The following CEP43 variants were observed in gnomAD, a reference collection of about 807,000 sequenced individuals.
The protein encoded by CEP43 is centrosomal protein 43.
Under a neutral mutation model 52.6 loss-of-function variants are expected in CEP43, and 36 were observed. That is an observed-to-expected ratio of 0.68 (90% CI 0.52 to 0.90). The LOEUF (loss-of-function observed/expected upper bound fraction) is 0.90. Ranked by LOEUF, CEP43 falls within the 40% of genes least tolerant of loss-of-function variation. The pLI is 0.00. For missense variants in CEP43, 506 were observed against 472.8 expected, an observed-to-expected ratio of 1.07 and a Z score of -0.65; for synonymous variants, 192 against 172.4, an observed-to-expected ratio of 1.11 and a Z score of -0.89.
chr6:167,036,200 A>C (rs1015244679), intron 12 of CEP43: 1 of 985,352 alleles, frequency 1.0e-6, no homozygotes, highest in Non-Finnish European at 1.2e-6. Flanking sequence ...CTAATATTTG[A>C]CCGGGATTTT....
rs1398499719 is a variant in CEP43, at chr6:167,052,124, CCTT to C, written c.*12149_*12151del. ...ATGAATGCTTGATGGCTCACAATCT[CCTT>C]CTCAGTTTATCAGAATCTACTTAAG... On this transcript the variant is annotated 3_prime_UTR_variant, in exon 13 of 13. Coordinates refer to ENST00000366847, the MANE Select transcript of CEP43 (RefSeq NM_007045.4). 2.0e-5 allele frequency: 3 copies of C among 152,106 alleles called. No individual in the cohort carries two copies. The highest frequency in any genetic ancestry group is 2.9e-5 in the Non-Finnish European group (2 of 68,020). The allele number at this position is 152,106 out of a possible 1,614,324, so 9.4% of individuals were successfully genotyped here.
Position 167,047,577 on chromosome 6 carries a change from C to G in CEP43, c.*7599C>G, listed in dbSNP as rs1008133563. The G allele has an allele frequency of 2.0e-5, 3 of 152,088 alleles. No homozygotes were observed. The highest frequency in any genetic ancestry group is 7.2e-5 in the African/African-American group (3 of 41,388). The allele number at this position is 152,088 out of a possible 1,614,324, so 9.4% of individuals were successfully genotyped here. On this transcript the variant is annotated 3_prime_UTR_variant, in exon 13 of 13. Coordinates refer to ENST00000366847, the MANE Select transcript of CEP43 (RefSeq NM_007045.4). ...TATTAAGAAGGTAAGATTCACAGGA[C>G]TTAGTGTCTTAACTAGATGTTGAGA...
Position 167,046,830 on chromosome 6 carries a change from C to T in CEP43, c.*6852C>T, listed in dbSNP as rs1003659415. The T allele has an allele frequency of 1.3e-5, 2 of 152,248 alleles. No individual in the cohort carries two copies. Among genetic ancestry groups the T allele is most frequent in the Non-Finnish European group, 2.9e-5 (2 of 68,068 alleles). 9.4% of individuals were successfully genotyped at this position (152,248 alleles called of 1,614,324 possible). ...CTCTCAGCCTGAGTCCATTCTGGCT[C>T]CAGAGCTCCCTGAGAGCTTGCCTGG... On this transcript the variant is annotated 3_prime_UTR_variant, in exon 13 of 13. Transcript: ENST00000366847.
chr6:167,038,104 ATGCT>A (rs1780620596), intron 12 of CEP43, among the ~76,000 whole-genome samples: 1 of 152,260 alleles, frequency 6.6e-6, no homozygotes, highest in South Asian at 2.1e-4. Context: ...AGCCTGCATT[ATGCT>A]TACATATCTA....
intron 6 of CEP43, chr6:167,011,657 G>C (rs533635941): frequency 1.3e-5 from 2 of 153,352 alleles, no homozygotes; most frequent in Non-Finnish European, 2.9e-5. Context: ...AGATTGGGCA[G>C]CTTACAAACA....
At chr6:167,005,907 G>A (rs192888337) in intron 5 of CEP43, among the ~76,000 whole-genome samples, 1 of 152,234 alleles carries the variant, frequency 6.6e-6, no homozygotes, top group East Asian at 1.9e-4. Flanking sequence ...CCTCATTGCA[G>A]TGGTGTTTAT....
intron 1 of CEP43, 116 bp downstream of exon 1, chr6:166,999,630 G>C (rs1306743652): frequency 1.4e-6 from 1 of 701,488 alleles, no homozygotes; most frequent in Non-Finnish European, 2.1e-6. Flanking sequence ...GGGGCCGGCG[G>C]GCACTGGGGG....
At position 167,040,251 on chromosome 6, in the gene CEP43, G is replaced by A. The variant is rs1780667909; in HGVS notation, c.*273G>A. On this transcript the variant is annotated 3_prime_UTR_variant, in exon 13 of 13. Coordinates refer to ENST00000366847, the MANE Select transcript of CEP43 (RefSeq NM_007045.4). The stretch of plus-strand genomic sequence containing the variant: ...TACACTCAGTTTCATTACAGGGAAG[G>A]AACCCATGAAAACATCAGTGTTAAG... The A allele has an allele frequency of 6.6e-7, 1 of 1,506,548 alleles. No individual in the cohort carries two copies. The allele number at this position is 1,506,548 out of a possible 1,614,324, so 93.3% of individuals were successfully genotyped here.
At chr6:167,004,960 T>A (rs981185301) in intron 5 of CEP43, among the ~76,000 whole-genome samples, 2 of 152,254 alleles carry the variant, frequency 1.3e-5, no homozygotes, top group African/African-American at 4.8e-5. Context: ...GTACTTTTCA[T>A]ACTCTTAACC....
rs1270556385 is a variant in CEP43 at position 167,048,673 on chromosome 6, C to T, written c.*8695C>T. 1 of 152,090 alleles carries T rather than the reference C, an allele frequency of 6.6e-6. No individual in the cohort carries two copies. The highest frequency in any genetic ancestry group is 1.9e-4 in the East Asian group (1 of 5,192). The allele number at this position is 152,090 out of a possible 1,614,324, so 9.4% of individuals were successfully genotyped here. ...AGTGCAATTACTGAAGGGGAAGACA[C>T]CATGCAAATACATGGTAAAAATATT... On this transcript the variant is annotated 3_prime_UTR_variant, in exon 13 of 13. Coordinates refer to ENST00000366847, the MANE Select transcript of CEP43 (RefSeq NM_007045.4).
At position 167,013,639 on chromosome 6, in the gene CEP43, C is replaced by T. The variant is rs370219340; in HGVS notation, c.579+72C>T. 292 of 1,214,914 alleles carry T rather than the reference C, an allele frequency of 2.4e-4. 1 individual carries two copies. Among genetic ancestry groups the T allele is most frequent in the Middle Eastern group, 1.5e-3 (8 of 5,228 alleles). The allele number at this position is 1,214,914 out of a possible 1,614,324, so 75.3% of individuals were successfully genotyped here. The stretch of plus-strand genomic sequence containing the variant: ...GTCTCGACTCTGGGGCCTCCTGGAG[C>T]GCTGGGCTCCTGTCAGATTGGGTTC... On this transcript the variant is annotated intron_variant, in intron 7 of 12. Coordinates refer to ENST00000366847, the MANE Select transcript of CEP43 (RefSeq NM_007045.4).
chr6:167,005,316 G>A (rs868256537), intron 5 of CEP43, among the ~76,000 whole-genome samples: 7 of 152,334 alleles, frequency 4.6e-5, no homozygotes, highest in Middle Eastern at 6.8e-3. Flanking sequence ...ATAGCGCAGA[G>A]CTATTTAAGA....
At position 167,045,618 on chromosome 6, in the gene CEP43, C is replaced by T. The variant is rs907541336; in HGVS notation, c.*5640C>T. 1 of 152,130 alleles carries T rather than the reference C, an allele frequency of 6.6e-6. No individual in the cohort carries two copies. Among genetic ancestry groups the T allele is most frequent in the Admixed American group, 6.5e-5 (1 of 15,280 alleles). The allele number at this position is 152,130 out of a possible 1,614,324, so 9.4% of individuals were successfully genotyped here. A position where few individuals can be genotyped will look rare whatever the true frequency, so the allele number is the denominator to read the frequency against. On this transcript the variant is annotated 3_prime_UTR_variant, in exon 13 of 13. Transcript: ENST00000366847. Reference sequence around the variant, plus strand: ...GGTGCGATGGTGGGTGCCTGCAGTCCCAGCTACTCGGGAGGCTGAGGCAGG... The same window carrying T: ...GGTGCGATGGTGGGTGCCTGCAGTCTCAGCTACTCGGGAGGCTGAGGCAGG...
rs1169684580 is a variant in CEP43, at chr6:167,042,502, C to T, written c.*2524C>T. On this transcript the variant is annotated 3_prime_UTR_variant, in exon 13 of 13. Coordinates refer to ENST00000366847, the MANE Select transcript of CEP43 (RefSeq NM_007045.4). ...CCATTAGTCCCTGCCTCATGCTTGC[C>T]CACAGCTCTTCCTCCCCTCCTTACT... 1 of 357,474 alleles carries T rather than the reference C, an allele frequency of 2.8e-6. No homozygotes were observed. Among genetic ancestry groups the T allele is most frequent in the Non-Finnish European group, 3.9e-6 (1 of 256,668 alleles). 22.1% of individuals were successfully genotyped at this position (357,474 alleles called of 1,614,324 possible).
chr6:167,014,734 AAAT>A (rs1780056659), intron 7 of CEP43, among the ~76,000 whole-genome samples: 1 of 152,242 alleles, frequency 6.6e-6, no homozygotes, highest in South Asian at 2.1e-4. Flanking sequence ...AGTTGCTTTA[AAAT>A]AATGATTTAG....
At chr6:167,013,618 C>G (rs144952423) in intron 7 of CEP43, 51 bp downstream of exon 7, 2 of 1,475,738 alleles carry the variant, frequency 1.4e-6, no homozygotes, top group South Asian at 2.3e-5. Flanking sequence ...CATCAGGTCT[C>G]GACTCTGGGG....
rs1216085206 is a variant in CEP43 at position 167,041,517 on chromosome 6, A to C, written c.*1539A>C. 123 of 1,054,374 alleles carry C rather than the reference A, an allele frequency of 1.2e-4. No individual in the cohort carries two copies. Among genetic ancestry groups the C allele is most frequent in the Non-Finnish European group, 1.3e-4 (117 of 872,454 alleles). The allele number at this position is 1,054,374 out of a possible 1,614,324, so 65.3% of individuals were successfully genotyped here. ...TGCAGTCCCCCAGTGTGGTTGTTATAAAATGCATTTCTTTGTAAGTCATCT... is the reference window on the plus strand; with the variant it reads ...TGCAGTCCCCCAGTGTGGTTGTTATCAAATGCATTTCTTTGTAAGTCATCT... On this transcript the variant is annotated 3_prime_UTR_variant, in exon 13 of 13. Transcript: ENST00000366847.
chr6:167,001,829 T>G (rs1182014656), intron 2 of CEP43, among the ~76,000 whole-genome samples: 1 of 152,138 alleles, frequency 6.6e-6, no homozygotes, highest in East Asian at 1.9e-4. Context: ...CTTGCCAGTC[T>G]CCGTTTCCGT....
At chr6:167,002,764 C>T (rs1431127057) in intron 2 of CEP43, among the ~76,000 whole-genome samples, 2 of 152,090 alleles carry the variant, frequency 1.3e-5, no homozygotes, top group Non-Finnish European at 2.9e-5. Context: ...GCCTATGGGC[C>T]GCATAAGATC....
Sources: allele counts gnomAD v4.1 joint callset (sites outside exome capture counted in the v4.1 genomes callset), GRCh38; gene constraint gnomAD v4.1.1; transcripts MANE v1.5; gene names NCBI Gene and HGNC (gene_info 2026-07-23, HGNC 2026-07-21).